The following TENM3 variants were observed in gnomAD, a reference collection of about 807,000 sequenced individuals.
TENM3 encodes teneurin transmembrane protein 3, also known as teneurin-3.
In TENM3, 63 loss-of-function variants were observed where a neutral mutation model predicts 255.1. The ratio of observed to expected loss-of-function variants is 0.25; its 90% CI spans 0.20 to 0.30. TENM3 has a LOEUF of 0.30. Among genes scored for constraint, TENM3 ranks in the 10% least tolerant of loss-of-function variants. The pLI, the probability that TENM3 is intolerant of heterozygous loss-of-function variation, is 1.00. For missense variants in TENM3, 2,929 were observed against 3,461.1 expected, an observed-to-expected ratio of 0.85 and a Z score of 3.86; for synonymous variants, 1,306 against 1,322.3, an observed-to-expected ratio of 0.99 and a Z score of 0.27.
chr4:182,071,389 C>T, the TENM3 span, among the ~76,000 whole-genome samples: 4,625 of 151,656 alleles, frequency 0.03, 99 homozygotes, highest in Middle Eastern at 0.062. Flanking sequence ...GTGCTTAGTT[C>T]TTCTTTCCCA....
chr4:182,341,201 T>C (rs142038827), intron 2 of TENM3, among the ~76,000 whole-genome samples: 3,239 of 152,314 alleles, frequency 0.021, 51 homozygotes, highest in Middle Eastern at 0.034. Flanking sequence ...AAAATATATT[T>C]GTTTTTTAGA....
the TENM3 span, among the ~76,000 whole-genome samples, chr4:181,608,417 AT>A: frequency 6.6e-6 from 1 of 152,130 alleles, no homozygotes; most frequent in Non-Finnish European, 1.5e-5. Flanking sequence ...TTTTGTGTTC[AT>A]TGATGTAGTG....
chr4:182,542,009 G>A (rs1365439360), intron 3 of TENM3, among the ~76,000 whole-genome samples: 2 of 152,138 alleles, frequency 1.3e-5, no homozygotes, highest in African/African-American at 4.8e-5. Flanking sequence ...GCCTCAGTGA[G>A]CTATGATCAT....
At chr4:181,813,752 A>C in the TENM3 span, among the ~76,000 whole-genome samples, 1 of 152,198 alleles carries the variant, frequency 6.6e-6, no homozygotes, top group Non-Finnish European at 1.5e-5. Context: ...AAAGAAGAAA[A>C]TTCGGGGGAA....
intron 24 of TENM3, 107 bp downstream of exon 24, chr4:182,775,260 T>A: frequency 1.1e-6 from 1 of 936,394 alleles, no homozygotes; most frequent in Non-Finnish European, 1.7e-6. Context: ...CTACACTGAG[T>A]ATGAGCACCT....
the TENM3 span, among the ~76,000 whole-genome samples, chr4:181,522,050 G>A: frequency 7.4e-6 from 1 of 134,240 alleles, no homozygotes; most frequent in East Asian, 2.3e-4. Flanking sequence ...GCAGTGAGCC[G>A]AGATCACGTC....
chr4:181,605,511 AAAG>A, the TENM3 span, among the ~76,000 whole-genome samples: 5 of 19,976 alleles, frequency 2.5e-4, 1 homozygote, highest in East Asian at 2.0e-3. Flanking sequence ...AGAAAGAAAG[AAAG>A]AAAGAAAGAA....
chr4:182,300,969 T>G (rs1761815701), intron 1 of TENM3, among the ~76,000 whole-genome samples: 1 of 152,244 alleles, frequency 6.6e-6, no homozygotes, highest in South Asian at 2.1e-4. Flanking sequence ...AAAAAAGTGT[T>G]TTATTTGTTC....
In TENM3 at chr4:182,621,811, T is replaced by A. The variant is rs377549829; in HGVS notation, c.750-6840T>A. ...TATATATAATATATAATATATATAT[T>A]ATATATATATATATTAGCCAGATGT... On this transcript the variant is annotated intron_variant, in intron 4 of 27. Transcript: ENST00000511685. Among the ~76,000 whole-genome samples the A allele has an allele frequency of 7.9e-3, 6 of 760 alleles. No individual in the cohort carries two copies. In the Non-Finnish European group the frequency reaches 0.19, roughly 24 times the overall value. 0.5% of individuals were successfully genotyped at this position (760 alleles called of 152,430 possible). A position where few individuals can be genotyped will look rare whatever the true frequency, so the allele number is the denominator to read the frequency against.
the TENM3 span, among the ~76,000 whole-genome samples, chr4:182,112,395 G>T: frequency 6.6e-6 from 1 of 152,084 alleles, no homozygotes; most frequent in African/African-American, 2.4e-5. Context: ...ATTTGATGAG[G>T]TTCTTCAGAT....
At chr4:182,459,146 C>G (rs940462230) in intron 3 of TENM3, among the ~76,000 whole-genome samples, 3 of 152,126 alleles carry the variant, frequency 2.0e-5, no homozygotes, top group African/African-American at 7.2e-5. Flanking sequence ...GCTTGACTAA[C>G]CAGCATTTCA....
chr4:182,578,454 T>C (rs1745158167), intron 3 of TENM3, among the ~76,000 whole-genome samples: 1 of 151,916 alleles, frequency 6.6e-6, no homozygotes, highest in Non-Finnish European at 1.5e-5. Context: ...TTTATGTTTG[T>C]TTTTAGCTGT....
At chr4:182,246,352 C>T (rs1357081761) in intron 1 of TENM3, among the ~76,000 whole-genome samples, 1 of 145,798 alleles carries the variant, frequency 6.9e-6, no homozygotes, top group Non-Finnish European at 1.5e-5. Context: ...TGAGCCCCCA[C>T]CCCCGCCCCT....
At chr4:181,573,450 T>G in the TENM3 span, among the ~76,000 whole-genome samples, 1 of 152,284 alleles carries the variant, frequency 6.6e-6, no homozygotes, top group African/African-American at 2.4e-5. Flanking sequence ...ATCTTGATGT[T>G]AATGTATAAA....
chr4:181,751,648 G>A, the TENM3 span, among the ~76,000 whole-genome samples: 2,171 of 152,192 alleles, frequency 0.014, 51 homozygotes, highest in African/African-American at 0.049. Context: ...AGGGTAGCGG[G>A]CATGAGCACC....
the TENM3 span, among the ~76,000 whole-genome samples, chr4:182,057,173 T>C: frequency 1.3e-5 from 2 of 151,572 alleles, no homozygotes; most frequent in African/African-American, 4.9e-5. Context: ...ATACAATGCA[T>C]TGGATGATAA....
chr4:181,871,178 T>A, the TENM3 span, among the ~76,000 whole-genome samples: 4 of 148,212 alleles, frequency 2.7e-5, no homozygotes, highest in African/African-American at 7.3e-5. Context: ...TCAGGTGATA[T>A]AAGTCCCCCA....
intron 1 of TENM3, among the ~76,000 whole-genome samples, chr4:182,267,723 A>AG (rs1759333623): frequency 6.6e-6 from 1 of 152,048 alleles, no homozygotes; most frequent in African/African-American, 2.4e-5. Context: ...TTTAAAAAAA[A>AG]AAAAAAAGCT....
the TENM3 span, among the ~76,000 whole-genome samples, chr4:182,025,020 A>ATTT: frequency 1.7e-3 from 206 of 121,084 alleles, 5 homozygotes; most frequent in African/African-American, 6.1e-3. Flanking sequence ...ACAGGATTTC[A>ATTT]TTTTTTTTTT....
Sources: allele counts gnomAD v4.1 joint callset (sites outside exome capture counted in the v4.1 genomes callset), GRCh38; gene constraint gnomAD v4.1.1; transcripts MANE v1.5; gene names NCBI Gene and HGNC (gene_info 2026-07-23, HGNC 2026-07-21).